TMEM164: variants seen among roughly 807,000 people sequenced by gnomAD.
TMEM164 encodes the protein RP13-360B22.2.
Under a neutral mutation model 18.8 loss-of-function variants are expected in TMEM164, and 4 were observed. The observed-to-expected ratio is 0.21, with a 90% confidence interval of 0.10 to 0.49. The LOEUF (loss-of-function observed/expected upper bound fraction) is 0.49. TMEM164 is among the 20% of genes least tolerant of loss of function. The probability of loss-of-function intolerance (pLI) is 0.98; values close to 1 mark genes in which losing one functional copy is unlikely to be tolerated. For missense variants in TMEM164, 108 were observed against 239.9 expected (o/e 0.45, Z 3.63); for synonymous variants, 86 against 101.7 (o/e 0.85, Z 0.93).
At chrX:110,067,457 A>C in intron 3 of TMEM164, 61 bp downstream of exon 3, 1 of 1,047,974 alleles carries the variant, frequency 9.5e-7, no homozygotes, top group South Asian at 1.9e-5. Context: ...GTTTGCTAAC[A>C]AGACTGATAA....
intron 2 of TMEM164, among the ~76,000 whole-genome samples, chrX:110,037,803 A>G (rs1243962757): frequency 9.0e-6 from 1 of 111,599 alleles, no homozygotes; most frequent in Non-Finnish European, 1.9e-5. Flanking sequence ...TCATTTTTTA[A>G]CCTTTAAATT....
intron 4 of TMEM164, among the ~76,000 whole-genome samples, chrX:110,116,320 G>C (rs1302589710): frequency 8.9e-6 from 1 of 112,240 alleles, no homozygotes; most frequent in African/African-American, 3.2e-5. Flanking sequence ...TACATCATTT[G>C]TAAGTGCTAA....
intron 2 of TMEM164, among the ~76,000 whole-genome samples, chrX:110,055,991 A>G (rs1396314757): frequency 3.6e-5 from 4 of 111,825 alleles, no homozygotes; most frequent in African/African-American, 9.8e-5. Context: ...ATAAGGAGCT[A>G]TCCAAAGTTT....
chrX:110,099,607 C>A (rs760544629), intron 3 of TMEM164, among the ~76,000 whole-genome samples: 129 of 112,394 alleles, frequency 1.1e-3, no homozygotes, highest in Non-Finnish European at 1.9e-3. Flanking sequence ...GTTTCGGTTG[C>A]TTTAACTTTG....
chrX:110,067,472 T>C (rs1213139834), intron 3 of TMEM164, 76 bp downstream of exon 3: 2 of 985,102 alleles, frequency 2.0e-6, no homozygotes, highest in Non-Finnish European at 2.9e-6. Flanking sequence ...TGATAACACA[T>C]TGCTGTGAAC....
chrX:110,095,025 G>T (rs1188882282), intron 3 of TMEM164, among the ~76,000 whole-genome samples: 16 of 112,154 alleles, frequency 1.4e-4, no homozygotes, highest in Non-Finnish European at 1.9e-5. Flanking sequence ...CTTCTGGCTT[G>T]TAGAGTTTCT....
intron 3 of TMEM164, among the ~76,000 whole-genome samples, chrX:110,083,040 T>C (rs747874123): frequency 1.8e-5 from 2 of 111,441 alleles, no homozygotes; most frequent in Non-Finnish European, 3.8e-5. Flanking sequence ...TTTTTAATGA[T>C]GCTTTTGATA....
chrX:110,172,310 C>T (rs1008617615), intron 6 of TMEM164, among the ~76,000 whole-genome samples: 1 of 112,001 alleles, frequency 8.9e-6, no homozygotes, highest in Non-Finnish European at 1.9e-5. Context: ...GGTGCCGCGA[C>T]CGTCCCCGGG....
chrX:110,046,136 G>C (rs903315829), intron 2 of TMEM164: 2 of 752,557 alleles, frequency 2.7e-6, no homozygotes, highest in East Asian at 1.5e-4. Flanking sequence ...TAGGTATTAC[G>C]GGGAACAGTG....
At chrX:110,170,900 AACTTTTC>A (rs2067221374) in intron 5 of TMEM164, among the ~76,000 whole-genome samples, 1 of 111,871 alleles carries the variant, frequency 8.9e-6, no homozygotes, top group South Asian at 3.7e-4. Flanking sequence ...GATTTTAAAC[AACTTTTC>A]ACATGGCCCG....
intron 2 of TMEM164, among the ~76,000 whole-genome samples, chrX:110,031,539 T>G (rs1382294432): frequency 9.0e-6 from 1 of 111,192 alleles, no homozygotes; most frequent in Non-Finnish European, 1.9e-5. Flanking sequence ...CCCAGGCTGG[T>G]CTCAAACTCC....
intron 4 of TMEM164, among the ~76,000 whole-genome samples, chrX:110,141,638 G>A (rs1389596913): frequency 8.9e-6 from 1 of 112,242 alleles, no homozygotes; most frequent in African/African-American, 3.2e-5. Context: ...CCCACAGCAC[G>A]TGGGAATTAT....
At chrX:110,064,410 C>G (rs897167214) in intron 2 of TMEM164, among the ~76,000 whole-genome samples, 1 of 111,938 alleles carries the variant, frequency 8.9e-6, no homozygotes, top group African/African-American at 3.2e-5. Context: ...CAGACCAAGG[C>G]TGGGGGCCCT....
intron 2 of TMEM164, among the ~76,000 whole-genome samples, chrX:110,053,468 T>C (rs5985439): frequency 0.44 from 48,997 of 110,610 alleles, 9,598 homozygotes; most frequent in Non-Finnish European, 0.62. Context: ...CTTATTTCTG[T>C]TTTAAACAAT....
intron 4 of TMEM164, among the ~76,000 whole-genome samples, chrX:110,117,558 A>G (rs1405485620): frequency 8.9e-6 from 1 of 112,299 alleles, no homozygotes; most frequent in African/African-American, 3.2e-5. Context: ...CATTCTATGC[A>G]TGCAAAAAAT....
intron 5 of TMEM164, among the ~76,000 whole-genome samples, chrX:110,152,262 G>T (rs1033767218): frequency 6.4e-5 from 7 of 109,482 alleles, no homozygotes; most frequent in Middle Eastern, 4.6e-3. Context: ...CACCATGTTG[G>T]CCAGGATGGT....
In TMEM164 at chrX:110,116,869, T is replaced by TG. The variant is rs2066374707; in HGVS notation, c.507+7724dup. On this transcript the variant is annotated intron_variant, in intron 4 of 6. Transcript: ENST00000372068. ...GTGTGTGTGCGCGTGTGCGTGTGTG[T>TG]GTGTGTGGTGTGTGTGTGTGTGTGT... 6.9e-5 allele frequency among the ~76,000 whole-genome samples: 7 copies of TG among 101,680 alleles called. 1 individual carries two copies. The highest frequency in any genetic ancestry group is 2.6e-4 in the African/African-American group (7 of 26,883). The allele number at this position is 101,680 out of a possible 115,157, so 88.3% of individuals were successfully genotyped here.
chrX:110,082,448 A>G (rs2065773442), intron 3 of TMEM164, among the ~76,000 whole-genome samples: 1 of 111,844 alleles, frequency 8.9e-6, no homozygotes, highest in Non-Finnish European at 1.9e-5. Flanking sequence ...CTGAAGAGCT[A>G]TCTACCAGTG....
chrX:110,156,566 G>C (rs1271418724), intron 5 of TMEM164, among the ~76,000 whole-genome samples: 6 of 111,259 alleles, frequency 5.4e-5, no homozygotes, highest in African/African-American at 2.0e-4. Flanking sequence ...GAAGGAAGGA[G>C]CATGTTTTAG....
Sources: gnomAD v4.1 joint callset for allele counts (sites outside exome capture counted in the v4.1 genomes callset) on GRCh38, gnomAD v4.1.1 for gene constraint, MANE v1.5 for transcripts, NCBI Gene and HGNC (gene_info 2026-07-23, HGNC 2026-07-21) for gene names.